MMP24: variants seen among roughly 807,000 people sequenced by gnomAD.
The protein encoded by MMP24 is matrix metallopeptidase 24.
In MMP24, 25 loss-of-function variants were observed where a neutral mutation model predicts 62.8. That is an observed-to-expected ratio of 0.40 (90% CI 0.29 to 0.56). The LOEUF (loss-of-function observed/expected upper bound fraction) is 0.56, where lower values mean the gene tolerates loss of function less well. MMP24 is among the 20% of genes least tolerant of loss of function. The pLI, the probability that MMP24 is intolerant of heterozygous loss-of-function variation, is 0.50. For missense variants in MMP24, 634 were observed against 853.6 expected (o/e 0.74, Z 3.21); for synonymous variants, 319 against 350.5 (o/e 0.91, Z 1.00).
rs1326253852 is a variant in MMP24, at chr20:35,254,537, A to G, written c.600A>G (p.Pro200=). The change falls in exon 4 of 9, where the codon CCA becomes CCG. Residue 200 remains proline (P), a synonymous_variant. Coordinates refer to ENST00000246186, the MANE Select transcript of MMP24 (RefSeq NM_006690.4). The part of the protein sequence containing the change: ...QAFDVWQKVT[P]LTFEEVPYHE... The stretch of plus-strand genomic sequence containing the variant: ...TCGATGTGTGGCAGAAGGTGACCCC[A>G]CTGACCTTTGAAGAGGTGCCATACC... 2.5e-6 allele frequency: 4 copies of G among 1,614,026 alleles called. No individual in the cohort carries two copies. The Admixed American group carries it at 5.0e-5, about 20-fold the overall frequency.
intron 1 of MMP24, among the ~76,000 whole-genome samples, chr20:35,239,346 T>A (rs1056910446): frequency 4.4e-4 from 67 of 152,216 alleles, no homozygotes; most frequent in African/African-American, 1.5e-3. Context: ...TGTTTTTCAA[T>A]TTTTTTCTTT....
At chr20:35,270,044 C>T in intron 7 of MMP24, 146 bp downstream of exon 7, 1 of 1,082,760 alleles carries the variant, frequency 9.2e-7, no homozygotes, top group Non-Finnish European at 1.3e-6. Flanking sequence ...TCTGACAAAT[C>T]AAGTCAGAAA....
At position 35,276,649 on chromosome 20, in the gene MMP24, T is replaced by G. The variant is rs1315066726; in HGVS notation, c.*2040T>G. The G allele has an allele frequency of 1.6e-5, 3 of 193,438 alleles. No homozygotes were observed. The highest frequency in any genetic ancestry group is 6.9e-5 in the African/African-American group (3 of 43,172). 12.0% of individuals were successfully genotyped at this position (193,438 alleles called of 1,614,324 possible). A position where few individuals can be genotyped will look rare whatever the true frequency, so the allele number is the denominator to read the frequency against. On this transcript the variant is annotated 3_prime_UTR_variant, in exon 9 of 9. Coordinates refer to ENST00000246186, the MANE Select transcript of MMP24 (RefSeq NM_006690.4). ...GTTGGTGCTCTCACTTCTTGAAAGCTCTAGGCACCCCCGCCTCCCGCCAGG... is the reference window on the plus strand; with the variant it reads ...GTTGGTGCTCTCACTTCTTGAAAGCGCTAGGCACCCCCGCCTCCCGCCAGG...
At chr20:35,260,358 G>C (rs1050697285) in intron 4 of MMP24, among the ~76,000 whole-genome samples, 6 of 152,210 alleles carry the variant, frequency 3.9e-5, no homozygotes, top group African/African-American at 1.4e-4. Context: ...CCCAGAACAG[G>C]GGTTAAAAGA....
chr20:35,257,567 C>T (rs2060581166), intron 4 of MMP24, among the ~76,000 whole-genome samples: 1 of 152,196 alleles, frequency 6.6e-6, no homozygotes, highest in African/African-American at 2.4e-5. Flanking sequence ...ACTCCCACTC[C>T]TCTGCCCTCC....
intron 4 of MMP24, among the ~76,000 whole-genome samples, chr20:35,260,723 C>T (rs907194548): frequency 1.3e-5 from 2 of 152,266 alleles, no homozygotes; most frequent in African/African-American, 4.8e-5. Context: ...GCCAACCTTG[C>T]ACTGATCTTG....
intron 6 of MMP24, among the ~76,000 whole-genome samples, chr20:35,268,710 AT>A (rs1223393258): frequency 2.0e-5 from 3 of 152,206 alleles, no homozygotes; most frequent in Non-Finnish European, 4.4e-5. Context: ...GGGTTTTATC[AT>A]CCCCATTTAC....
chr20:35,237,481 T>C (rs2060469710), intron 1 of MMP24, among the ~76,000 whole-genome samples: 1 of 152,188 alleles, frequency 6.6e-6, no homozygotes, highest in African/African-American at 2.4e-5. Context: ...CGGGCTAATC[T>C]CCCCCATCTG....
At chr20:35,249,401 C>A (rs372697574) in intron 2 of MMP24, among the ~76,000 whole-genome samples, 8 of 152,342 alleles carry the variant, frequency 5.3e-5, no homozygotes, top group African/African-American at 1.9e-4. Context: ...CATAGTTCCT[C>A]TAGCTCAGCT....
intron 1 of MMP24, among the ~76,000 whole-genome samples, chr20:35,246,386 A>C (rs2060514982): frequency 6.6e-6 from 1 of 152,110 alleles, no homozygotes; most frequent in Non-Finnish European, 1.5e-5. Context: ...CTGAGGCAGG[A>C]GAATCACTTG....
At chr20:35,267,174 C>T (rs1411499060) in intron 5 of MMP24, 31 bp from the exon 6 acceptor site, 1 of 1,524,546 alleles carries the variant, frequency 6.6e-7, no homozygotes, top group South Asian at 1.2e-5. Context: ...AAACGGCTGC[C>T]CCCTCTCTAA....
Position 35,271,931 on chromosome 20 carries a change from G to T in MMP24, c.1600+96G>T. On this transcript the variant is annotated intron_variant, in intron 8 of 8. Coordinates refer to ENST00000246186, the MANE Select transcript of MMP24 (RefSeq NM_006690.4). This position sits in a 1 kb window ranked among gnomAD's most constrained non-coding sequence, Gnocchi z 4.0. Reference sequence around the variant, plus strand: ...ATACTCAGTGCCCATGGGCGTCCAGGTTTGAAAAAACACCTGGTGGCAGAC... The same window carrying T: ...ATACTCAGTGCCCATGGGCGTCCAGTTTTGAAAAAACACCTGGTGGCAGAC... 1 of 1,387,392 alleles carries T rather than the reference G, an allele frequency of 7.2e-7. No homozygotes were observed. The highest frequency in any genetic ancestry group is 9.5e-7 in the Non-Finnish European group (1 of 1,049,678). The allele number at this position is 1,387,392 out of a possible 1,614,324, so 85.9% of individuals were successfully genotyped here.
In MMP24 at chr20:35,269,973, G is replaced by T; in HGVS notation, c.1333+75G>T. On this transcript the variant is annotated intron_variant, in intron 7 of 8. Coordinates refer to ENST00000246186, the MANE Select transcript of MMP24 (RefSeq NM_006690.4). This position sits in a 1 kb window ranked among gnomAD's most constrained non-coding sequence, Gnocchi z 4.6. Reference sequence around the variant, plus strand: ...CTCCTTTTTCCCATCTAAACTGGAAGAGGCGGGGTGGGAGGCAGATGTCCT... The same window carrying T: ...CTCCTTTTTCCCATCTAAACTGGAATAGGCGGGGTGGGAGGCAGATGTCCT... 1 of 1,524,120 alleles carries T rather than the reference G, an allele frequency of 6.6e-7. No individual in the cohort carries two copies. Among genetic ancestry groups the T allele is most frequent in the Non-Finnish European group, 8.8e-7 (1 of 1,130,156 alleles). The allele number at this position is 1,524,120 out of a possible 1,614,324, so 94.4% of individuals were successfully genotyped here.
intron 1 of MMP24, among the ~76,000 whole-genome samples, chr20:35,243,585 C>T (rs1258367057): frequency 2.0e-5 from 3 of 150,470 alleles, no homozygotes; most frequent in Non-Finnish European, 2.9e-5. Context: ...CCCCTTCCCT[C>T]GAGGATGTTA....
At position 35,254,488 on chromosome 20, in the gene MMP24, C is replaced by T. The variant is rs1236051779; in HGVS notation, c.551C>T (p.Thr184Met). 6 of 1,614,010 alleles carry T rather than the reference C, an allele frequency of 3.7e-6. 1 individual carries two copies. The highest frequency in any genetic ancestry group is 2.2e-5 in the East Asian group (1 of 44,880). The change falls in exon 4 of 9, where the codon ACG (threonine) becomes ATG (methionine). Residue 184 changes from threonine to methionine, a missense_variant. By Grantham distance (81) the Thr-to-Met change is moderately conservative. Around this residue, in one of 3 missense-constraint regions of MMP24, gnomAD observed 212 missense variants for 259.6 expected, o/e 0.82. Coordinates refer to ENST00000246186, the MANE Select transcript of MMP24 (RefSeq NM_006690.4). Reference sequence around the variant, plus strand: ...ACCCCAAAAGTGGGTGAGCTAGACACGCGGAAAGCTATTCGCCAGGCTTTC... The same window carrying T: ...ACCCCAAAAGTGGGTGAGCTAGACATGCGGAAAGCTATTCGCCAGGCTTTC... ...NYTPKVGELDTRKAIRQAFDV... is the reference protein window; with the variant it reads ...NYTPKVGELDMRKAIRQAFDV...
In MMP24 at chr20:35,271,624, C is replaced by A. The variant is rs766028033; in HGVS notation, c.1389C>A (p.Ser463Arg). 57 of 1,612,184 alleles carry A rather than the reference C, an allele frequency of 3.5e-5. No homozygotes were observed. Among genetic ancestry groups the A allele is most frequent in the Non-Finnish European group, 2.5e-6 (3 of 1,179,294 alleles). ...CGGTGGAGCCTGGGTACCCCCACAGCCTGGGGGAGCTGGGCAGCTGTTTGC... is the reference window on the plus strand; with the variant it reads ...CGGTGGAGCCTGGGTACCCCCACAGACTGGGGGAGCTGGGCAGCTGTTTGC... The part of the protein sequence containing the change: ...EVTVEPGYPH[S>R]LGELGSCLPR... The change falls in exon 8 of 9, where the codon AGC becomes AGA. Residue 463 changes from serine (S) to arginine (R), a missense_variant. By Grantham distance (110) the Ser-to-Arg change is moderately radical (BLOSUM62 -1). Transcript: ENST00000246186. The surrounding 1 kb of genome is among the most constrained non-coding windows in gnomAD (Gnocchi z 4.0).
At chr20:35,257,021 T>C (rs2060578416) in intron 4 of MMP24, among the ~76,000 whole-genome samples, 4 of 152,200 alleles carry the variant, frequency 2.6e-5, no homozygotes. Flanking sequence ...CATCCTTTTT[T>C]CCTGCCCTGC....
chr20:35,239,369 G>T (rs1370397030), intron 1 of MMP24, among the ~76,000 whole-genome samples: 1 of 151,886 alleles, frequency 6.6e-6, no homozygotes, highest in Admixed American at 6.6e-5. Flanking sequence ...TTGTAGAGAG[G>T]TGTCTTGCTA....
At chr20:35,246,251 G>A (rs969278631) in intron 1 of MMP24, among the ~76,000 whole-genome samples, 16 of 149,034 alleles carry the variant, frequency 1.1e-4, no homozygotes, top group Non-Finnish European at 1.6e-4. Context: ...TCAGGAGATC[G>A]AGACCATCCT....
Sources: allele counts gnomAD v4.1 joint callset (sites outside exome capture counted in the v4.1 genomes callset), GRCh38; gene constraint gnomAD v4.1.1; regional missense constraint gnomAD v4.1.1; non-coding constraint Gnocchi (gnomAD v3.1); transcripts MANE v1.5; gene names NCBI Gene and HGNC (gene_info 2026-07-23, HGNC 2026-07-21).